The following MAF variants were observed in gnomAD, a reference collection of about 807,000 sequenced individuals.
The protein encoded by MAF is MAF bZIP transcription factor, also known as transcription factor Maf.
A neutral mutation model predicts 22.0 loss-of-function variants in MAF; 10 were observed. The observed-to-expected ratio is 0.45, with a 90% CI of 0.28 to 0.77. The LOEUF is 0.77. MAF is among the 30% of genes least tolerant of loss of function. MAF has a pLI of 0.12. For missense variants in MAF, 544 were observed against 548.4 expected (o/e 0.99, Z 0.08); for synonymous variants, 337 against 255.8 (o/e 1.32, Z -3.03).
At chr16:79,361,490 A>T in the MAF span, among the ~76,000 whole-genome samples, 1 of 152,198 alleles carries the variant, frequency 6.6e-6, no homozygotes, top group Non-Finnish European at 1.5e-5. Context: ...AACCTCTAAC[A>T]TTTAGCACTT....
the MAF span, among the ~76,000 whole-genome samples, chr16:79,294,308 T>C: frequency 1.3e-5 from 2 of 152,212 alleles, no homozygotes; most frequent in African/African-American, 4.8e-5. Flanking sequence ...ATTGGGGAAC[T>C]ATGACAATCA....
the MAF span, among the ~76,000 whole-genome samples, chr16:79,527,473 G>C: frequency 6.6e-6 from 1 of 152,180 alleles, no homozygotes. Context: ...AGAAAAGAAA[G>C]AGACTAAATT....
At chr16:79,215,171 G>T in the MAF span, among the ~76,000 whole-genome samples, 2 of 152,170 alleles carry the variant, frequency 1.3e-5, no homozygotes, top group Non-Finnish European at 2.9e-5. Flanking sequence ...TTGATTTCAA[G>T]GTCATGCAGA....
chr16:79,361,213 G>A, the MAF span, among the ~76,000 whole-genome samples: 2 of 152,128 alleles, frequency 1.3e-5, no homozygotes, highest in East Asian at 3.9e-4. Context: ...GCCCCTCTCT[G>A]TTGTCCCCTC....
At chr16:79,443,968 C>G in the MAF span, among the ~76,000 whole-genome samples, 6 of 151,968 alleles carry the variant, frequency 3.9e-5, no homozygotes, top group African/African-American at 1.2e-4. Context: ...AAAAACCAAA[C>G]AACTAAAATG....
At chr16:79,529,593 C>T in the MAF span, among the ~76,000 whole-genome samples, 25 of 152,244 alleles carry the variant, frequency 1.6e-4, no homozygotes, top group South Asian at 1.2e-3. Context: ...TTTATGGATA[C>T]GTGTCAGCAG....
At chr16:79,574,914 A>C in the MAF span, among the ~76,000 whole-genome samples, 2 of 152,170 alleles carry the variant, frequency 1.3e-5, no homozygotes, top group Non-Finnish European at 2.9e-5. Flanking sequence ...AAAATATGGG[A>C]AATTCACCAG....
At chr16:79,459,846 G>A in the MAF span, among the ~76,000 whole-genome samples, 2 of 152,152 alleles carry the variant, frequency 1.3e-5, no homozygotes, top group Admixed American at 1.3e-4. Flanking sequence ...TTACAGGCAT[G>A]AGCCACTGTG....
chr16:79,582,314 C>A (rs1206225087), downstream of MAF, among the ~76,000 whole-genome samples: 1 of 152,162 alleles, frequency 6.6e-6, no homozygotes, highest in Non-Finnish European at 1.5e-5. Context: ...GGTGACTGAA[C>A]GTGTGCTTTT....
chr16:79,419,995 T>G, the MAF span, among the ~76,000 whole-genome samples: 2 of 143,490 alleles, frequency 1.4e-5, no homozygotes, highest in Admixed American at 7.4e-5. Flanking sequence ...TTTCAGAGGG[T>G]AACACACGGT....
At chr16:79,558,722 A>G in the MAF span, among the ~76,000 whole-genome samples, 6 of 152,330 alleles carry the variant, frequency 3.9e-5, no homozygotes, top group African/African-American at 4.8e-5. Flanking sequence ...TCTAAGCCTT[A>G]CTACCCAGCT....
chr16:79,400,799 AACTACAGCAGTCGACTTTC>A, the MAF span, among the ~76,000 whole-genome samples: 1 of 152,246 alleles, frequency 6.6e-6, no homozygotes, highest in Non-Finnish European at 1.5e-5. Context: ...ATGTTTGTGA[AACTACAGCAGTCGACTTTC>A]AACCTTTTGT....
chr16:79,356,469 G>A, the MAF span, among the ~76,000 whole-genome samples: 1 of 152,076 alleles, frequency 6.6e-6, no homozygotes, highest in Non-Finnish European at 1.5e-5. Context: ...GCATGCTTGA[G>A]GCTTTCTCCC....
the MAF span, among the ~76,000 whole-genome samples, chr16:79,451,233 A>C: frequency 6.6e-6 from 1 of 152,202 alleles, no homozygotes; most frequent in Admixed American, 6.5e-5. Context: ...TGCTAACTGG[A>C]AAAGGGTTAG....
At chr16:79,596,465 A>G in intron 1 of MAF, 2 of 1,052,162 alleles carry the variant, frequency 1.9e-6, no homozygotes, top group Non-Finnish European at 2.3e-6. Flanking sequence ...TACACTAAGA[A>G]ACTGAGTACA....
At chr16:79,331,153 C>A in the MAF span, among the ~76,000 whole-genome samples, 1 of 152,148 alleles carries the variant, frequency 6.6e-6, no homozygotes, top group Admixed American at 6.5e-5. Flanking sequence ...GAAATCAAGT[C>A]CCTTAACAAA....
chr16:79,223,818 C>G, the MAF span, among the ~76,000 whole-genome samples: 4 of 152,072 alleles, frequency 2.6e-5, no homozygotes, highest in Non-Finnish European at 5.9e-5. Context: ...AGGAAGAAGT[C>G]AAATCCCTGA....
chr16:79,364,805 T>A, the MAF span, among the ~76,000 whole-genome samples: 1 of 152,208 alleles, frequency 6.6e-6, no homozygotes, highest in Non-Finnish European at 1.5e-5. Context: ...GAGGCAGAAC[T>A]ATTGCATGTG....
chr16:79,287,896 A>G, the MAF span, among the ~76,000 whole-genome samples: 1 of 152,110 alleles, frequency 6.6e-6, no homozygotes, highest in Admixed American at 6.6e-5. Flanking sequence ...GGCACATTTT[A>G]ATTTTAATAA....
Sources: gnomAD v4.1 joint callset for allele counts (sites outside exome capture counted in the v4.1 genomes callset) on GRCh38, gnomAD v4.1.1 for gene constraint, MANE v1.5 for transcripts, NCBI Gene and HGNC (gene_info 2026-07-23, HGNC 2026-07-21) for gene names.